The following PBX1 variants were observed in gnomAD, a reference collection of about 807,000 sequenced individuals.
The protein encoded by PBX1 is PBX homeobox 1.
Under a neutral mutation model 53.4 loss-of-function variants are expected in PBX1, and 6 were observed. That is an observed-to-expected ratio of 0.11 (90% CI 0.06 to 0.22). The LOEUF (loss-of-function observed/expected upper bound fraction) is 0.22. PBX1 is among the 10% of genes least tolerant of loss of function. The pLI is 1.00. For missense variants in PBX1, 251 were observed against 551.4 expected (o/e 0.46, Z 5.46); for synonymous variants, 204 against 212.3 (o/e 0.96, Z 0.34).
intron 8 of PBX1, among the ~76,000 whole-genome samples, chr1:164,845,176 G>C (rs1359749220): frequency 1.3e-5 from 2 of 152,136 alleles, no homozygotes; most frequent in Non-Finnish European, 1.5e-5. Context: ...AGCATCATTT[G>C]GGTGAGCCAA....
intron 2 of PBX1, among the ~76,000 whole-genome samples, chr1:164,662,495 G>A (rs149071405): frequency 0.014 from 2,072 of 152,194 alleles, 35 homozygotes; most frequent in South Asian, 0.045. Flanking sequence ...GTACCAAGCC[G>A]ACTATGCATT....
intron 2 of PBX1, among the ~76,000 whole-genome samples, chr1:164,564,361 G>T (rs1653279572): frequency 6.6e-6 from 1 of 151,708 alleles, no homozygotes; most frequent in African/African-American, 2.4e-5. Flanking sequence ...CAATAAATAT[G>T]ATTGCATGCT....
intron 4 of PBX1, among the ~76,000 whole-genome samples, chr1:164,804,319 A>G (rs190069422): frequency 1.9e-4 from 29 of 152,298 alleles, no homozygotes; most frequent in African/African-American, 7.0e-4. Flanking sequence ...GGTTCCAAAG[A>G]TATTTTATGT....
intron 2 of PBX1, among the ~76,000 whole-genome samples, chr1:164,740,367 T>TA (rs58047302): frequency 0.027 from 3,904 of 144,652 alleles, 167 homozygotes; most frequent in African/African-American, 0.092. Flanking sequence ...ATGGAAAAAA[T>TA]AAAAAAAAAA....
chr1:164,576,633 CTGCTCCCGGCGGCGGCCCGA>C (rs1654261690), intron 2 of PBX1, among the ~76,000 whole-genome samples: 1 of 152,248 alleles, frequency 6.6e-6, no homozygotes, highest in African/African-American at 2.4e-5. Flanking sequence ...CCGCAGCGGT[CTGCTCCCGGCGGCGGCCCGA>C]GGCTCCCCCG....
At chr1:164,791,246 C>T (rs568647065) in intron 2 of PBX1, among the ~76,000 whole-genome samples, 9 of 152,310 alleles carry the variant, frequency 5.9e-5, no homozygotes, top group South Asian at 4.1e-4. Context: ...AAGACTGTCT[C>T]GCTCTTCTGC....
At chr1:164,620,629 T>C (rs937240649) in intron 2 of PBX1, among the ~76,000 whole-genome samples, 2 of 152,190 alleles carry the variant, frequency 1.3e-5, no homozygotes, top group African/African-American at 4.8e-5. Context: ...TTTGTAACTG[T>C]TGACTTCAGG....
chr1:164,611,377 A>G (rs1032246388), intron 2 of PBX1, among the ~76,000 whole-genome samples: 1 of 152,074 alleles, frequency 6.6e-6, no homozygotes, highest in Non-Finnish European at 1.5e-5. Context: ...AGCTGGGACT[A>G]CAGGCGCCCG....
At chr1:164,567,278 G>A (rs1019493510) in intron 2 of PBX1, among the ~76,000 whole-genome samples, 2 of 152,146 alleles carry the variant, frequency 1.3e-5, no homozygotes, top group East Asian at 1.9e-4. Context: ...TAGGCCTTGA[G>A]CAAAATAGGA....
chr1:164,683,181 G>A (rs910344957), intron 2 of PBX1: 1 of 152,202 alleles, frequency 6.6e-6, no homozygotes. Flanking sequence ...TCAGATTTGT[G>A]TGGTGGTGTA....
chr1:164,593,633 G>A (rs575572662), intron 2 of PBX1, among the ~76,000 whole-genome samples: 1 of 33,342 alleles, frequency 3.0e-5, no homozygotes, highest in South Asian at 2.2e-3. Flanking sequence ...GCGGGGTGGG[G>A]GCTGGAAAAA....
At chr1:164,587,825 T>C (rs1655055498) in intron 2 of PBX1, among the ~76,000 whole-genome samples, 1 of 151,976 alleles carries the variant, frequency 6.6e-6, no homozygotes, top group Non-Finnish European at 1.5e-5. Flanking sequence ...CCAGGAGAGG[T>C]AGAACAGGTG....
At chr1:164,843,207 C>T (rs114896950) in intron 8 of PBX1, among the ~76,000 whole-genome samples, 4 of 152,278 alleles carry the variant, frequency 2.6e-5, no homozygotes, top group African/African-American at 9.6e-5. Context: ...ATGGTTTTAG[C>T]AGTAACAGCA....
chr1:164,784,047 T>C (rs1170720636), intron 2 of PBX1, among the ~76,000 whole-genome samples: 3 of 152,242 alleles, frequency 2.0e-5, no homozygotes, highest in Non-Finnish European at 4.4e-5. Context: ...ATGCTTTTTA[T>C]GTGTAACTAA....
intron 2 of PBX1, chr1:164,770,542 C>T (rs1406912873): frequency 6.6e-6 from 1 of 152,158 alleles, no homozygotes; most frequent in African/African-American, 2.4e-5. Flanking sequence ...CTATGGGGGT[C>T]CATCATTTTC....
chr1:164,850,186 AACACCAG>A lies in PBX1; in HGVS notation c.*3513_*3519del, dbSNP rs1671763437. On this transcript the variant is annotated 3_prime_UTR_variant, in exon 9 of 9. Transcript: ENST00000420696. ...GCGCATCATTCCTGCATTAGTTTTT[AACACCAG>A]ACTACCTACATTCATCATTTCCCTC... 2 of 224,824 alleles carry A rather than the reference AACACCAG, an allele frequency of 8.9e-6. No individual in the cohort carries two copies. The highest frequency in any genetic ancestry group is 4.5e-5 in the African/African-American group (2 of 44,858). The allele number at this position is 224,824 out of a possible 1,614,324, so 13.9% of individuals were successfully genotyped here.
intron 2 of PBX1, among the ~76,000 whole-genome samples, chr1:164,716,461 A>T (rs1664091221): frequency 6.6e-6 from 1 of 152,142 alleles, no homozygotes; most frequent in East Asian, 1.9e-4. Flanking sequence ...TGATCTGTAA[A>T]CATTCTGATG....
At chr1:164,636,281 A>C (rs1571119130) in intron 2 of PBX1, among the ~76,000 whole-genome samples, 1 of 152,180 alleles carries the variant, frequency 6.6e-6, no homozygotes, top group Admixed American at 6.5e-5. Flanking sequence ...GGATGTTGAA[A>C]GGATGACTGA....
chr1:164,590,012 A>G (rs1320781188), intron 2 of PBX1, among the ~76,000 whole-genome samples: 1 of 152,152 alleles, frequency 6.6e-6, no homozygotes, highest in Non-Finnish European at 1.5e-5. Flanking sequence ...TTTCAAGACC[A>G]GCCTGGGCAA....
Sources: allele counts gnomAD v4.1 joint callset (sites outside exome capture counted in the v4.1 genomes callset), GRCh38; gene constraint gnomAD v4.1.1; transcripts MANE v1.5; gene names NCBI Gene and HGNC (gene_info 2026-07-23, HGNC 2026-07-21).